AGO1: variants seen among roughly 807,000 people sequenced by gnomAD.
The protein encoded by AGO1 is argonaute RISC component 1, also known as protein argonaute-1.
In AGO1, 11 loss-of-function variants were observed where a neutral mutation model predicts 109.2. The observed-to-expected ratio is 0.10, with a 90% CI of 0.06 to 0.17. The LOEUF is 0.17. Ranked by LOEUF, AGO1 falls within the 10% of genes least tolerant of loss-of-function variation. The pLI, the probability that AGO1 is intolerant of heterozygous loss-of-function variation, is 1.00. For missense variants in AGO1, 574 were observed against 1,140.3 expected (o/e 0.50, Z 7.15); for synonymous variants, 422 against 418.6 (o/e 1.01, Z -0.10).
intron 3 of AGO1, 46 bp downstream of exon 3, chr1:35,892,723 G>A: frequency 6.2e-7 from 1 of 1,612,700 alleles, no homozygotes; most frequent in Non-Finnish European, 8.5e-7. Flanking sequence ...GTCTGGGGTA[G>A]AACCAAGCTC....
chr1:35,894,427 A>G, intron 7 of AGO1, 25 bp downstream of exon 7: 1 of 1,611,234 alleles, frequency 6.2e-7, no homozygotes, highest in Non-Finnish European at 8.5e-7. Context: ...GTGCTGAGTC[A>G]TACTTTGTTG....
Position 35,893,833 on chromosome 1 carries a change from C to A in AGO1, c.649+23C>A. ...ATGGTGAGTGGGGAGAGCTATGGAGCCAGGGGCACCCCAAGTCCAGTGACC... is the reference window on the plus strand; with the variant it reads ...ATGGTGAGTGGGGAGAGCTATGGAGACAGGGGCACCCCAAGTCCAGTGACC... On this transcript the variant is annotated intron_variant, in intron 5 of 18. Coordinates refer to ENST00000373204, the MANE Select transcript of AGO1 (RefSeq NM_012199.5). This position sits in a 1 kb window ranked among gnomAD's most constrained non-coding sequence, Gnocchi z 5.6. The A allele has an allele frequency of 6.2e-7, 1 of 1,601,740 alleles. No homozygotes were observed. Among genetic ancestry groups the A allele is most frequent in the South Asian group, 1.1e-5 (1 of 89,560 alleles).
chr1:35,922,576 C>T lies in AGO1; in HGVS notation c.*2969C>T, dbSNP rs1645852094. 6.5e-6 allele frequency: 1 copy of T among 153,954 alleles called. No individual in the cohort carries two copies. The highest frequency in any genetic ancestry group is 1.4e-5 in the Non-Finnish European group (1 of 69,532). The allele number at this position is 153,954 out of a possible 1,614,324, so 9.5% of individuals were successfully genotyped here. On this transcript the variant is annotated 3_prime_UTR_variant, in exon 19 of 19. Transcript: ENST00000373204. The stretch of plus-strand genomic sequence containing the variant: ...GGCTTCCTTTCCCTTTTCTTCTATT[C>T]ACTCTGCTTGCTTGCTGGCCGGCCT...
rs1200680347 is a variant in AGO1 at position 35,930,495 on chromosome 1, T to A, written c.*10888T>A. 2 of 152,220 alleles carry A rather than the reference T, an allele frequency of 1.3e-5. No homozygotes were observed. The highest frequency in any genetic ancestry group is 2.9e-5 in the Non-Finnish European group (2 of 68,056). 9.4% of individuals were successfully genotyped at this position (152,220 alleles called of 1,614,324 possible). On this transcript the variant is annotated 3_prime_UTR_variant, in exon 19 of 19. Transcript: ENST00000373204. ...CTGGAAAGGAGTTTGGGTTTTCAAG[T>A]GTGACGAGGCGCTATTAAAGAGTTT...
At chr1:35,876,105 T>C (rs1218148122) in intron 1 of AGO1, among the ~76,000 whole-genome samples, 1 of 152,142 alleles carries the variant, frequency 6.6e-6, no homozygotes, top group African/African-American at 2.4e-5. Flanking sequence ...CTGTCATGGA[T>C]GACTTTGAGG....
chr1:35,892,573 A>C lies in AGO1; in HGVS notation c.226A>C (p.Met76Leu). ...RRVNREVVEY[M>L]VQHFKPQIFG... ...CCCCCACAGGGAAGTGGTGGAATAC[A>C]TGGTCCAGCATTTCAAGCCTCAGAT... The change falls in exon 3 of 19, where the codon ATG (methionine) becomes CTG (leucine). Residue 76 changes from methionine (M) to leucine (L), a missense_variant. Met to Leu is a conservative substitution (Grantham distance 15, BLOSUM62 2). Around this residue, in one of 8 missense-constraint regions of AGO1, gnomAD observed 89 missense variants for 109.6 expected, o/e 0.81. Transcript: ENST00000373204. 1 of 1,614,220 alleles carries C rather than the reference A, an allele frequency of 6.2e-7. No homozygotes were observed. Among genetic ancestry groups the C allele is most frequent in the Non-Finnish European group, 8.5e-7 (1 of 1,180,034 alleles).
chr1:35,886,593 T>G (rs1645124526), intron 1 of AGO1, among the ~76,000 whole-genome samples: 1 of 152,078 alleles, frequency 6.6e-6, no homozygotes, highest in Non-Finnish European at 1.5e-5. Context: ...CCCAAATGAT[T>G]ATTCAGTCTG....
At chr1:35,892,819 G>A (rs1349400195) in intron 3 of AGO1, 142 bp downstream of exon 3, 1 of 1,245,462 alleles carries the variant, frequency 8.0e-7, no homozygotes, top group East Asian at 2.4e-5. Context: ...GGTAGGTGCT[G>A]ATGTTTATTT....
At position 35,888,936 on chromosome 1, in the gene AGO1, G is replaced by A. The variant is rs1242853389; in HGVS notation, c.209+326G>A. Among the ~76,000 whole-genome samples, 1 of 152,144 alleles carries A rather than the reference G, an allele frequency of 6.6e-6. No individual in the cohort carries two copies. Among genetic ancestry groups the A allele is most frequent in the African/African-American group, 2.4e-5 (1 of 41,412 alleles). On this transcript the variant is annotated intron_variant, in intron 2 of 18. Transcript: ENST00000373204. This position sits in a 1 kb window ranked among gnomAD's most constrained non-coding sequence, Gnocchi z 4.1. ...AAAGAGTTTTAAAGAATGAGATATG[G>A]GTATGTTTACAGATTAAGGAGAAGG... is the stretch of plus-strand genomic sequence containing the variant.
At position 35,928,459 on chromosome 1, in the gene AGO1, A is replaced by AAT. The variant is rs1571391534; in HGVS notation, c.*8852_*8853insAT. The AAT allele has an allele frequency of 6.6e-6, 1 of 151,546 alleles. No homozygotes were observed. The highest frequency in any genetic ancestry group is 2.4e-5 in the African/African-American group (1 of 41,168). The allele number at this position is 151,546 out of a possible 1,614,324, so 9.4% of individuals were successfully genotyped here. A position where few individuals can be genotyped will look rare whatever the true frequency, so the allele number is the denominator to read the frequency against. On this transcript the variant is annotated 3_prime_UTR_variant, in exon 19 of 19. Coordinates refer to ENST00000373204, the MANE Select transcript of AGO1 (RefSeq NM_012199.5). ...CCATGCCCAGCTAATTAAAAAAAAA[A>AAT]TTTTTTTTGTAGCAGTTCGGTCTCA...
chr1:35,870,297 T>C (rs1035697976), intron 1 of AGO1, among the ~76,000 whole-genome samples: 2 of 152,016 alleles, frequency 1.3e-5, no homozygotes, highest in African/African-American at 4.8e-5. Context: ...TTTGTTTTTT[T>C]TTTTGAGACG....
At chr1:35,900,556 CAT>C (rs1208306252) in intron 8 of AGO1, among the ~76,000 whole-genome samples, 2 of 152,012 alleles carry the variant, frequency 1.3e-5, no homozygotes, top group African/African-American at 4.8e-5. Flanking sequence ...GGCAAAACCC[CAT>C]CTCTATTAAA....
In AGO1 at chr1:35,916,658, G is replaced by A. The variant is rs1049059920; in HGVS notation, c.2029-935G>A. Among the ~76,000 whole-genome samples the A allele has an allele frequency of 2.8e-4, 43 of 152,312 alleles. 1 individual carries two copies. The highest frequency in any genetic ancestry group is 4.1e-4 in the Non-Finnish European group (28 of 68,034). The stretch of plus-strand genomic sequence containing the variant: ...GCTGGAAATACAGGCGTGAGCCACC[G>A]TGCCCGGCCATTATGCCCAATTTCT... On this transcript the variant is annotated intron_variant, in intron 15 of 18. Transcript: ENST00000373204.
At position 35,893,365 on chromosome 1, in the gene AGO1, G is replaced by T; in HGVS notation, c.512+87G>T. ...GGGGAGCACATATTAAGGTCCCACA[G>T]AGTGCCATTAAAAAAAAAAATTATT... On this transcript the variant is annotated intron_variant, in intron 4 of 18. Coordinates refer to ENST00000373204, the MANE Select transcript of AGO1 (RefSeq NM_012199.5). The surrounding 1 kb of genome is among the most constrained non-coding windows in gnomAD (Gnocchi z 5.6). The T allele has an allele frequency of 7.0e-7, 1 of 1,433,042 alleles. No homozygotes were observed. The highest frequency in any genetic ancestry group is 2.3e-5 in the Admixed American group (1 of 43,862). 88.8% of individuals were successfully genotyped at this position (1,433,042 alleles called of 1,614,324 possible).
At chr1:35,874,461 G>A (rs1644977862) in intron 1 of AGO1, among the ~76,000 whole-genome samples, 2 of 152,210 alleles carry the variant, frequency 1.3e-5, no homozygotes, top group South Asian at 2.1e-4. Context: ...ATGGGCATGA[G>A]CCAACGTGCC....
chr1:35,906,558 C>T (rs187291786), intron 11 of AGO1, among the ~76,000 whole-genome samples: 15 of 152,210 alleles, frequency 9.9e-5, no homozygotes, highest in African/African-American at 3.6e-4. Flanking sequence ...CCTGTAATTC[C>T]AGCACTTTGG....
intron 3 of AGO1, 147 bp from the exon 4 acceptor site, chr1:35,892,950 T>C: frequency 1.1e-6 from 1 of 931,046 alleles, no homozygotes; most frequent in Non-Finnish European, 1.6e-6. Context: ...CCAAGGTGGC[T>C]AGAACCTAAG....
chr1:35,930,008 TAAAA>T lies in AGO1; in HGVS notation c.*10406_*10409del, dbSNP rs537923747. ...TTCCTCTTTAAAAAATTATTTTGATTAAAAAAAACCGTATTACTGAAGCATAGGG... is the reference window on the plus strand; with the variant it reads ...TTCCTCTTTAAAAAATTATTTTGATTAAAACCGTATTACTGAAGCATAGGG... On this transcript the variant is annotated 3_prime_UTR_variant, in exon 19 of 19. Coordinates refer to ENST00000373204, the MANE Select transcript of AGO1 (RefSeq NM_012199.5). The T allele has an allele frequency of 1.3e-5, 2 of 151,788 alleles. No homozygotes were observed. Among genetic ancestry groups the T allele is most frequent in the African/African-American group, 4.8e-5 (2 of 41,278 alleles). 9.4% of individuals were successfully genotyped at this position (151,788 alleles called of 1,614,324 possible).
At chr1:35,884,606 G>A (rs1645089785) in intron 1 of AGO1, among the ~76,000 whole-genome samples, 1 of 152,170 alleles carries the variant, frequency 6.6e-6, no homozygotes, top group East Asian at 1.9e-4. Flanking sequence ...TGTCAGGGCT[G>A]TCTTTAGAGC....
Sources: allele counts gnomAD v4.1 joint callset (sites outside exome capture counted in the v4.1 genomes callset), GRCh38; gene constraint gnomAD v4.1.1; regional missense constraint gnomAD v4.1.1; non-coding constraint Gnocchi (gnomAD v3.1); transcripts MANE v1.5; gene names NCBI Gene and HGNC (gene_info 2026-07-23, HGNC 2026-07-21).